CDC42SE2: variants seen among roughly 807,000 people sequenced by gnomAD.
CDC42SE2 encodes the protein CDC42 small effector protein 2.
In CDC42SE2, 3 loss-of-function variants were observed where a neutral mutation model predicts 11.5. The observed-to-expected ratio is 0.26, with a 90% CI of 0.12 to 0.67. The LOEUF is 0.67. Among genes scored for constraint, CDC42SE2 ranks in the 30% least tolerant of loss-of-function variants. The pLI, the probability that CDC42SE2 is intolerant of heterozygous loss-of-function variation, is 0.80. For missense variants in CDC42SE2, 82 were observed against 106.8 expected (o/e 0.77, Z 1.02); for synonymous variants, 33 against 34.8 (o/e 0.95, Z 0.18).
intron 1 of CDC42SE2, among the ~76,000 whole-genome samples, chr5:131,312,895 C>T (rs1463415937): frequency 1.3e-5 from 2 of 152,160 alleles, no homozygotes; most frequent in Non-Finnish European, 2.9e-5. Flanking sequence ...AGAAATCACC[C>T]GTCTTCTGTG....
chr5:131,379,326 C>CA (rs558756860), intron 3 of CDC42SE2, among the ~76,000 whole-genome samples: 5 of 152,194 alleles, frequency 3.3e-5, no homozygotes, highest in Non-Finnish European at 7.3e-5. Flanking sequence ...ACCTGGCCTT[C>CA]ATTTGCTTCT....
At chr5:131,291,061 T>C (rs1162012114) in intron 1 of CDC42SE2, among the ~76,000 whole-genome samples, 1 of 152,160 alleles carries the variant, frequency 6.6e-6, no homozygotes, top group African/African-American at 2.4e-5. Context: ...TAGAGAAATA[T>C]TTATAAGTGT....
chr5:131,319,539 G>A (rs1758116799), intron 2 of CDC42SE2, among the ~76,000 whole-genome samples: 1 of 152,196 alleles, frequency 6.6e-6, no homozygotes. Flanking sequence ...TTGACATGCA[G>A]TATTGTTTCT....
chr5:131,345,664 C>A (rs1561592734), intron 2 of CDC42SE2, among the ~76,000 whole-genome samples: 1 of 152,110 alleles, frequency 6.6e-6, no homozygotes, highest in Non-Finnish European at 1.5e-5. Flanking sequence ...CAAAGATACT[C>A]CTCAAGAAGA....
chr5:131,324,597 G>A (rs927112871), intron 2 of CDC42SE2, among the ~76,000 whole-genome samples: 1 of 152,154 alleles, frequency 6.6e-6, no homozygotes, highest in African/African-American at 2.4e-5. Flanking sequence ...GTGGGACTGA[G>A]CTAATGAAAC....
intron 2 of CDC42SE2, among the ~76,000 whole-genome samples, chr5:131,325,721 T>C (rs1042782883): frequency 1.3e-5 from 2 of 152,230 alleles, no homozygotes; most frequent in African/African-American, 4.8e-5. Context: ...GATCAGTAAT[T>C]AACCTTAGAG....
At chr5:131,276,860 T>C (rs925039019) in intron 1 of CDC42SE2, among the ~76,000 whole-genome samples, 1 of 152,068 alleles carries the variant, frequency 6.6e-6, no homozygotes, top group Non-Finnish European at 1.5e-5. Context: ...CCCTAGTAGC[T>C]GGGATTACAG....
intron 1 of CDC42SE2, among the ~76,000 whole-genome samples, chr5:131,271,685 C>T (rs12719444): frequency 0.77 from 116,999 of 152,088 alleles, 45,390 homozygotes; most frequent in African/African-American, 0.82. Context: ...CCATTGCTGC[C>T]ATCACCTCTT....
At chr5:131,366,057 T>G (rs1749847307) in intron 3 of CDC42SE2, among the ~76,000 whole-genome samples, 1 of 152,168 alleles carries the variant, frequency 6.6e-6, no homozygotes, top group Admixed American at 6.5e-5. Flanking sequence ...CATAGAAGAC[T>G]GATTCAAATG....
chr5:131,334,115 C>T (rs1191640382), intron 2 of CDC42SE2, among the ~76,000 whole-genome samples: 1 of 151,980 alleles, frequency 6.6e-6, no homozygotes, highest in Non-Finnish European at 1.5e-5. Context: ...ATAGATAGCT[C>T]TTATTATTTT....
chr5:131,224,305 T>C, the CDC42SE2 span, among the ~76,000 whole-genome samples: 1 of 152,192 alleles, frequency 6.6e-6, no homozygotes, highest in Non-Finnish European at 1.5e-5. Context: ...ATCTACTGGG[T>C]ATCTCAAACT....
At chr5:131,386,791 C>G (rs1231849514) in intron 4 of CDC42SE2, among the ~76,000 whole-genome samples, 5 of 152,132 alleles carry the variant, frequency 3.3e-5, no homozygotes, top group Admixed American at 6.5e-5. Context: ...CTAAAGTGTT[C>G]AAAACCAGAA....
chr5:131,257,885 G>C, intron 2 of CDC42SE2, among the ~76,000 whole-genome samples: 1 of 152,144 alleles, frequency 6.6e-6, no homozygotes. Context: ...AGAGATGGGA[G>C]ACCCCCTGGT....
At chr5:131,279,698 A>G (rs375919466) in intron 1 of CDC42SE2, among the ~76,000 whole-genome samples, 2 of 151,602 alleles carry the variant, frequency 1.3e-5, no homozygotes. Flanking sequence ...CTCTCCCTCT[A>G]CCTTCTCCCC....
chr5:131,231,255 A>G, the CDC42SE2 span, among the ~76,000 whole-genome samples: 2 of 152,168 alleles, frequency 1.3e-5, no homozygotes, highest in Admixed American at 6.5e-5. Flanking sequence ...CTTGTTTTAG[A>G]TTAATGATTG....
At chr5:131,326,467 A>G (rs941112354) in intron 2 of CDC42SE2, among the ~76,000 whole-genome samples, 7 of 152,170 alleles carry the variant, frequency 4.6e-5, no homozygotes, top group African/African-American at 1.4e-4. Context: ...GGGCTATTAT[A>G]TGACCTATCT....
intron 2 of CDC42SE2, among the ~76,000 whole-genome samples, chr5:131,318,656 C>G (rs1758099753): frequency 6.6e-6 from 1 of 152,144 alleles, no homozygotes; most frequent in South Asian, 2.1e-4. Context: ...CTGGATCAAC[C>G]CTTCCCTGAA....
the CDC42SE2 span, among the ~76,000 whole-genome samples, chr5:131,236,160 T>G: frequency 6.6e-6 from 1 of 152,172 alleles, no homozygotes; most frequent in East Asian, 1.9e-4. Context: ...GTCTTTTAAC[T>G]TTGCTTATGG....
chr5:131,365,072 C>T (rs1749814187), intron 3 of CDC42SE2, among the ~76,000 whole-genome samples: 1 of 151,912 alleles, frequency 6.6e-6, no homozygotes, highest in South Asian at 2.1e-4. Flanking sequence ...GGCTGATTAC[C>T]TGAGGTCAGG....
Sources: gnomAD v4.1 joint callset for allele counts (sites outside exome capture counted in the v4.1 genomes callset) on GRCh38, gnomAD v4.1.1 for gene constraint, MANE v1.5 for transcripts, NCBI Gene and HGNC (gene_info 2026-07-23, HGNC 2026-07-21) for gene names.